The following PAK1 variants were observed in gnomAD, a reference collection of about 807,000 sequenced individuals.
The protein encoded by PAK1 is serine/threonine-protein kinase PAK 1.
In PAK1, 29 loss-of-function variants were observed where a neutral mutation model predicts 67.4. That is an observed-to-expected ratio of 0.43 (90% CI 0.32 to 0.59). The LOEUF is 0.59. Among genes scored for constraint, PAK1 ranks in the 20% least tolerant of loss-of-function variants. The pLI, the probability that PAK1 is intolerant of heterozygous loss-of-function variation, is 0.07. For missense variants in PAK1, 337 were observed against 670.7 expected (o/e 0.50, Z 5.50); for synonymous variants, 223 against 237.4 (o/e 0.94, Z 0.56).
chr11:77,434,712 G>A (rs534978435), intron 1 of PAK1, among the ~76,000 whole-genome samples: 3 of 152,112 alleles, frequency 2.0e-5, no homozygotes, highest in East Asian at 1.9e-4. Context: ...TCTGCCTCCC[G>A]GGCTCCACTG....
chr11:77,370,417 C>G (rs967986453), intron 5 of PAK1, among the ~76,000 whole-genome samples: 8 of 152,196 alleles, frequency 5.3e-5, no homozygotes, highest in Admixed American at 4.6e-4. Context: ...GAATCAAATG[C>G]ACCTGCTGCC....
the PAK1 span, among the ~76,000 whole-genome samples, chr11:77,527,655 A>G: frequency 6.6e-6 from 1 of 152,158 alleles, no homozygotes; most frequent in Non-Finnish European, 1.5e-5. Flanking sequence ...CTCTCATATG[A>G]TATAGTCCTG....
chr11:77,351,769 A>G (rs548304218), intron 8 of PAK1, among the ~76,000 whole-genome samples: 2 of 152,178 alleles, frequency 1.3e-5, no homozygotes, highest in African/African-American at 4.8e-5. Context: ...AGAAAATTTC[A>G]ATGACATCAT....
chr11:77,367,201 T>A (rs1023706336), intron 5 of PAK1, among the ~76,000 whole-genome samples: 1 of 152,206 alleles, frequency 6.6e-6, no homozygotes, highest in Non-Finnish European at 1.5e-5. Flanking sequence ...TTTGAATGAA[T>A]GGTAAAAGGG....
chr11:77,383,240 T>C (rs1320998230), intron 2 of PAK1, among the ~76,000 whole-genome samples: 1 of 151,838 alleles, frequency 6.6e-6, no homozygotes, highest in East Asian at 1.9e-4. Flanking sequence ...AGAATAGCAA[T>C]GACTTGGTTG....
intron 1 of PAK1, among the ~76,000 whole-genome samples, chr11:77,404,964 C>T (rs1037373284): frequency 6.6e-6 from 1 of 152,216 alleles, no homozygotes; most frequent in Admixed American, 6.5e-5. Context: ...ATCAAGTCCA[C>T]GTGTATGTGT....
At chr11:77,325,716 TC>T (rs1358772477) in intron 14 of PAK1, among the ~76,000 whole-genome samples, 1 of 152,152 alleles carries the variant, frequency 6.6e-6, no homozygotes, top group African/African-American at 2.4e-5. Flanking sequence ...GACTTTTAGT[TC>T]CAACAGATAC....
intron 2 of PAK1, among the ~76,000 whole-genome samples, chr11:77,389,841 TA>T (rs1950909345): frequency 6.6e-6 from 1 of 152,238 alleles, no homozygotes; most frequent in Non-Finnish European, 1.5e-5. Flanking sequence ...CTTTGAAACA[TA>T]AATGTTTTTA....
rs116267974 is a variant in PAK1 at position 77,463,485 on chromosome 11, C to A, written c.-22+10067G>T. Among the ~76,000 whole-genome samples the A allele has an allele frequency of 3.1e-3, 469 of 152,280 alleles. 4 individuals carry two copies. Among genetic ancestry groups the A allele is most frequent in the African/African-American group, 0.011 (438 of 41,542 alleles). On this transcript the variant is annotated intron_variant, in intron 1 of 14. Transcript: ENST00000356341. ...AAAATTCAGTCTTTGAGAGGGTCCA[C>A]CTACCACAGATAGCCAGAGGCAGTC...
the PAK1 span, among the ~76,000 whole-genome samples, chr11:77,520,004 C>CG: frequency 5.0e-4 from 76 of 151,972 alleles, no homozygotes; most frequent in African/African-American, 1.6e-3. Flanking sequence ...GGCCTGTGGC[C>CG]CCCCCCTCCG....
intron 1 of PAK1, among the ~76,000 whole-genome samples, 189 bp from the exon 2 acceptor site, chr11:77,392,730 A>C (rs1592200738): frequency 6.6e-6 from 1 of 152,364 alleles, no homozygotes; most frequent in East Asian, 1.9e-4. Flanking sequence ...CCAAGCACTA[A>C]TGAAAAATCA....
rs568164498 is a variant in PAK1 at position 77,421,628 on chromosome 11, T to G, written c.-21-29087A>C. ...GATAAGTAATGGCTGAATGAAGGAA[T>G]GAATGAATAAATGGAGCTAGAAAGA... On this transcript the variant is annotated intron_variant, in intron 1 of 14. Coordinates refer to ENST00000356341, the MANE Select transcript of PAK1 (RefSeq NM_002576.5). Among the ~76,000 whole-genome samples, 204 of 152,206 alleles carry G rather than the reference T, an allele frequency of 1.3e-3. 1 individual carries two copies. The highest frequency in any genetic ancestry group is 6.8e-3 in the Middle Eastern group (2 of 294).
At chr11:77,328,200 C>T (rs935739746) in intron 14 of PAK1, among the ~76,000 whole-genome samples, 1 of 151,964 alleles carries the variant, frequency 6.6e-6, no homozygotes, top group Admixed American at 6.6e-5. Context: ...ACTTTAACAC[C>T]CCACTGTCAA....
Position 77,323,003 on chromosome 11 carries a change from T to A in PAK1, c.*271A>T. 1 of 629,036 alleles carries A rather than the reference T, an allele frequency of 1.6e-6. No homozygotes were observed. The highest frequency in any genetic ancestry group is 2.8e-6 in the Non-Finnish European group (1 of 354,336). 39.0% of individuals were successfully genotyped at this position (629,036 alleles called of 1,614,324 possible). A position where few individuals can be genotyped will look rare whatever the true frequency, so the allele number is the denominator to read the frequency against. On this transcript the variant is annotated 3_prime_UTR_variant, in exon 15 of 15. Transcript: ENST00000356341. ...CACACGGAAGACTAGAAACATTTAT[T>A]TATATAAACCCTTAATCATAAACCA...
At chr11:77,346,956 A>G (rs1430389926) in intron 9 of PAK1, 1 of 448,324 alleles carries the variant, frequency 2.2e-6, no homozygotes, top group Non-Finnish European at 4.5e-6. Context: ...AAGACTTCCC[A>G]GCACTAACAT....
At chr11:77,434,142 T>C (rs535548729) in intron 1 of PAK1, among the ~76,000 whole-genome samples, 3 of 152,280 alleles carry the variant, frequency 2.0e-5, no homozygotes, top group African/African-American at 7.2e-5. Flanking sequence ...CCTAAATATA[T>C]ACTTAAAGGT....
At chr11:77,327,438 A>C (rs1487767712) in intron 14 of PAK1, among the ~76,000 whole-genome samples, 1 of 152,190 alleles carries the variant, frequency 6.6e-6, no homozygotes, top group Non-Finnish European at 1.5e-5. Flanking sequence ...CTGATCTCTC[A>C]GCAGAAACTC....
the PAK1 span, among the ~76,000 whole-genome samples, chr11:77,526,929 A>AG: frequency 6.6e-6 from 1 of 151,288 alleles, no homozygotes; most frequent in Non-Finnish European, 1.5e-5. Context: ...AAAAAAAAAA[A>AG]GGGCTGGAAA....
chr11:77,408,653 G>A (rs1954022234), intron 1 of PAK1, among the ~76,000 whole-genome samples: 1 of 151,670 alleles, frequency 6.6e-6, no homozygotes, highest in East Asian at 1.9e-4. Flanking sequence ...CCCACTTTAA[G>A]GACAGTGCTC....
Sources: allele counts gnomAD v4.1 joint callset (sites outside exome capture counted in the v4.1 genomes callset), GRCh38; gene constraint gnomAD v4.1.1; transcripts MANE v1.5; gene names NCBI Gene and HGNC (gene_info 2026-07-23, HGNC 2026-07-21).